LARP1: variants seen among roughly 807,000 people sequenced by gnomAD.
LARP1 encodes la-related protein 1.
Under a neutral mutation model 122.7 loss-of-function variants are expected in LARP1, and 36 were observed. The observed-to-expected ratio is 0.29, with a 90% CI of 0.22 to 0.39. The LOEUF (loss-of-function observed/expected upper bound fraction) is 0.39. Ranked by LOEUF, LARP1 falls within the 10% of genes least tolerant of loss-of-function variation. The pLI, the probability that LARP1 is intolerant of heterozygous loss-of-function variation, is 1.00. For synonymous variants in LARP1, 539 were observed against 528.7 expected (o/e 1.02, Z -0.27); for missense variants, 1,040 against 1,403.6 (o/e 0.74, Z 4.14).
intron 1 of LARP1, among the ~76,000 whole-genome samples, chr5:154,739,224 G>C (rs1159187702): frequency 6.6e-6 from 1 of 152,004 alleles, no homozygotes. Context: ...GTTTCACCGT[G>C]TTAGCCAGGA....
At chr5:154,740,324 C>T (rs368983501) in intron 1 of LARP1, among the ~76,000 whole-genome samples, 3 of 141,612 alleles carry the variant, frequency 2.1e-5, no homozygotes, top group South Asian at 2.3e-4. Context: ...ATCTGGGAGG[C>T]GGAGGTTGCG....
rs774709392 is a variant in LARP1 at position 154,794,025 on chromosome 5, G to A, written c.1069+25G>A. ...AGTACGTGAGGCCCCTTTGGGCTCC[G>A]GGATGTCCAAGGGTGTGCAGCAGGG... On this transcript the variant is annotated intron_variant, in intron 6 of 18. Coordinates refer to ENST00000518297, the MANE Select transcript of LARP1 (RefSeq NM_033551.3). The A allele has an allele frequency of 1.7e-5, 28 of 1,607,956 alleles. No individual in the cohort carries two copies. The Admixed American group carries it at 2.8e-4, about 16-fold the overall frequency.
chr5:154,699,054 C>T (rs918870446), intron 1 of LARP1, among the ~76,000 whole-genome samples: 2 of 152,198 alleles, frequency 1.3e-5, no homozygotes, highest in African/African-American at 4.8e-5. Context: ...GATGTTCTGC[C>T]TGGAAAAGGG....
chr5:154,777,847 AATAT>A (rs1756044914), intron 1 of LARP1, among the ~76,000 whole-genome samples: 2 of 152,328 alleles, frequency 1.3e-5, no homozygotes, highest in South Asian at 4.1e-4. Context: ...AAATTAAAAA[AATAT>A]ATATAATAAA....
At chr5:154,758,759 C>T (rs1754210074) in intron 1 of LARP1, among the ~76,000 whole-genome samples, 2 of 152,278 alleles carry the variant, frequency 1.3e-5, no homozygotes, top group African/African-American at 4.8e-5. Flanking sequence ...TATTTTTAGC[C>T]TTACTTTTGG....
rs535580156 is a variant in LARP1, at chr5:154,783,535, TC to T, written c.437-6788del. ...GTAACTTATACCCCTTAGCTTCTCT[TC>T]CACCTCCTTTTAGTGGTTAAGAGCA... is the stretch of plus-strand genomic sequence containing the variant. On this transcript the variant is annotated intron_variant, in intron 1 of 18. Coordinates refer to ENST00000518297, the MANE Select transcript of LARP1 (RefSeq NM_033551.3). Among the ~76,000 whole-genome samples, 1,202 of 152,328 alleles carry T rather than the reference TC, an allele frequency of 7.9e-3. 8 individuals carry two copies. Among genetic ancestry groups the T allele is most frequent in the Non-Finnish European group, 9.5e-3 (649 of 68,028 alleles).
chr5:154,792,489 T>C lies in LARP1; in HGVS notation c.565-133T>C. The C allele has an allele frequency of 8.8e-6, 7 of 798,938 alleles. No homozygotes were observed. In the East Asian group the frequency reaches 1.5e-4, roughly 17 times the overall value. The allele number at this position is 798,938 out of a possible 1,614,324, so 49.5% of individuals were successfully genotyped here. On this transcript the variant is annotated intron_variant, in intron 3 of 18. Coordinates refer to ENST00000518297, the MANE Select transcript of LARP1 (RefSeq NM_033551.3). ...ACCATCTCAGGTGTGAAAATGACCTTAGAATACATCCCATCCAGCCTGCCA... is the reference window on the plus strand; with the variant it reads ...ACCATCTCAGGTGTGAAAATGACCTCAGAATACATCCCATCCAGCCTGCCA...
At chr5:154,795,425 T>C in intron 8 of LARP1, 106 bp downstream of exon 8, 1 of 1,171,196 alleles carries the variant, frequency 8.5e-7, no homozygotes, top group Non-Finnish European at 1.2e-6. Context: ...ATCTGATGAC[T>C]TCTGCTGAAG....
At chr5:154,804,955 T>G (rs1758643333) in intron 14 of LARP1, 1 of 455,590 alleles carries the variant, frequency 2.2e-6, no homozygotes. Flanking sequence ...TGCACACAGT[T>G]GAAAATCCGT....
Position 154,795,214 on chromosome 5 carries a change from C to G in LARP1, c.1272C>G (p.Phe424Leu). ...YFSVDNLERD[F>L]FLRRKMDADG... ...GCGTGGACAATTTAGAGCGAGACTT[C>G]TTCCTGCGAAGGAAAATGGATGCTG... The change falls in exon 8 of 19, where the codon TTC becomes TTG. Residue 424 changes from phenylalanine (F) to leucine (L), a missense_variant. This residue lies in a region of LARP1 where 362 missense variants were observed against 533.1 expected (regional missense o/e 0.68). Coordinates refer to ENST00000518297, the MANE Select transcript of LARP1 (RefSeq NM_033551.3). 1.9e-6 allele frequency: 3 copies of G among 1,614,064 alleles called. No homozygotes were observed. The highest frequency in any genetic ancestry group is 2.5e-6 in the Non-Finnish European group (3 of 1,179,892).
chr5:154,788,737 C>G (rs1757085286), intron 1 of LARP1, among the ~76,000 whole-genome samples: 1 of 150,108 alleles, frequency 6.7e-6, no homozygotes, highest in East Asian at 1.9e-4. Context: ...ACTAGAACAA[C>G]TTCCTTAAAA....
intron 1 of LARP1, among the ~76,000 whole-genome samples, chr5:154,777,180 G>A (rs187565542): frequency 1.3e-5 from 2 of 152,118 alleles, no homozygotes; most frequent in Admixed American, 6.6e-5. Context: ...TAATACAATG[G>A]TAAGTATTTG....
intron 1 of LARP1, among the ~76,000 whole-genome samples, chr5:154,721,387 C>CT (rs1320511250): frequency 2.0e-5 from 3 of 148,734 alleles, no homozygotes; most frequent in Non-Finnish European, 4.4e-5. Context: ...AGGGATTCCT[C>CT]TGTTTGTTTG....
At chr5:154,756,359 A>G in intron 1 of LARP1, 166 bp downstream of exon 1, 1 of 959,598 alleles carries the variant, frequency 1.0e-6, no homozygotes, top group Non-Finnish European at 1.3e-6. Context: ...CCTCCCCCCC[A>G]CCGTACACTC....
intron 1 of LARP1, among the ~76,000 whole-genome samples, chr5:154,762,974 A>G (rs1754584760): frequency 6.6e-6 from 1 of 151,946 alleles, no homozygotes; most frequent in South Asian, 2.1e-4. Flanking sequence ...GAGATAAGTA[A>G]TAGTACTGGA....
At chr5:154,757,631 C>T (rs953518435) in intron 1 of LARP1, among the ~76,000 whole-genome samples, 3 of 152,160 alleles carry the variant, frequency 2.0e-5, no homozygotes, top group African/African-American at 7.2e-5. Context: ...TCTTCACCGT[C>T]AAAGGAGTAG....
chr5:154,793,960 G>T lies in LARP1; in HGVS notation c.1029G>T (p.Gly343=), dbSNP rs2113784939. 2.5e-6 allele frequency: 4 copies of T among 1,612,114 alleles called. No individual in the cohort carries two copies. In the Admixed American group the frequency reaches 5.0e-5, roughly 20 times the overall value. ...CTTCCTTCCGTGGCCGTGGACGGGG[G>T]CGTGGTCGCGGCCGGGGACGCGGCC... ...ARASFRGRGR[G]RGRGRGRGRG... The change falls in exon 6 of 19, where the codon GGG becomes GGT. Residue 343 remains glycine, a synonymous_variant. Transcript: ENST00000518297.
At chr5:154,796,019 A>ATTATATATATTT (rs1561615636) in intron 8 of LARP1, among the ~76,000 whole-genome samples, 1 of 96,994 alleles carries the variant, frequency 1.0e-5, no homozygotes. Context: ...ATATTTATAT[A>ATTATATATATTT]TTATATATAT....
chr5:154,704,035 T>G (rs534390748), intron 1 of LARP1, among the ~76,000 whole-genome samples: 2 of 152,298 alleles, frequency 1.3e-5, no homozygotes, highest in East Asian at 3.9e-4. Flanking sequence ...CTAGGGGCAA[T>G]GTATACCCCC....
Sources: gnomAD v4.1 joint callset for allele counts (sites outside exome capture counted in the v4.1 genomes callset) on GRCh38, gnomAD v4.1.1 for gene constraint, gnomAD v4.1.1 regional missense constraint, MANE v1.5 for transcripts, NCBI Gene and HGNC (gene_info 2026-07-23, HGNC 2026-07-21) for gene names.